Variants in PLAUR observed in about 807,000 individuals in gnomAD.
PLAUR encodes the protein plasminogen activator, urokinase receptor.
In PLAUR, 22 loss-of-function variants were observed where a neutral mutation model predicts 33.4. The ratio of observed to expected loss-of-function variants is 0.66; its 90% CI spans 0.47 to 0.94. The LOEUF is 0.94. Ranked by LOEUF, PLAUR falls within the 40% of genes least tolerant of loss-of-function variation. The pLI, the probability that PLAUR is intolerant of heterozygous loss-of-function variation, is 0.00. For synonymous variants in PLAUR, 148 were observed against 167.3 expected, an observed-to-expected ratio of 0.88 and a Z score of 0.89; for missense variants, 408 against 434.7, an observed-to-expected ratio of 0.94 and a Z score of 0.55.
chr19:43,651,649 T>C (rs1025525555), intron 6 of PLAUR: 4 of 213,288 alleles, frequency 1.9e-5, no homozygotes, highest in African/African-American at 9.4e-5. Flanking sequence ...GTGGCCAGGC[T>C]TGCTCTCATA....
At chr19:43,653,207 T>TA (rs1282109461) in intron 5 of PLAUR, among the ~76,000 whole-genome samples, 1 of 152,188 alleles carries the variant, frequency 6.6e-6, no homozygotes, top group Non-Finnish European at 1.5e-5. Flanking sequence ...AATCGAATCT[T>TA]AAAATTCAGT....
chr19:43,648,040 G>C (rs1248629583), downstream of PLAUR, among the ~76,000 whole-genome samples: 1 of 151,604 alleles, frequency 6.6e-6, no homozygotes, highest in Non-Finnish European at 1.5e-5. Flanking sequence ...GTTTATTGTG[G>C]GGTTGGAAAG....
chr19:43,646,541 T>A (rs1973827660), downstream of PLAUR: 1 of 717,462 alleles, frequency 1.4e-6, no homozygotes, highest in African/African-American at 1.7e-5. Context: ...TTCCCCAGAG[T>A]GAGCGTTCTA....
rs867018678 is a variant in PLAUR at position 43,670,098 on chromosome 19, G to A, written c.23C>T (p.Pro8Leu). Residue 8 changes from proline to leucine, a missense_variant, in exon 1 of 7, where the codon CCG (proline) becomes CTG (leucine). Pro to Leu is a moderately conservative substitution (Grantham distance 98, BLOSUM62 -3). Coordinates refer to ENST00000340093, the MANE Select transcript of PLAUR (RefSeq NM_002659.4). ...GCAGGTGTGGAGCAGCAGCAGCAGC[G>A]GCAGCAGCGGCGGGTGACCCATGTC... MGHPPLLPLLLLLHTCVP... is the reference protein window; with the variant it reads MGHPPLLLLLLLLHTCVP... 14 of 1,612,680 alleles carry A rather than the reference G, an allele frequency of 8.7e-6. No individual in the cohort carries two copies. Among genetic ancestry groups the A allele is most frequent in the Admixed American group, 1.7e-5 (1 of 59,976 alleles).
At chr19:43,662,250 C>T (rs998559601) in intron 3 of PLAUR, among the ~76,000 whole-genome samples, 1 of 152,058 alleles carries the variant, frequency 6.6e-6, no homozygotes, top group Admixed American at 6.6e-5. Context: ...GTAATCCCAG[C>T]ACTTTGGGAG....
chr19:43,655,421 G>T lies in PLAUR; in HGVS notation c.607+18C>A. 6.2e-7 allele frequency: 1 copy of T among 1,613,376 alleles called. No individual in the cohort carries two copies. The highest frequency in any genetic ancestry group is 8.5e-7 in the Non-Finnish European group (1 of 1,179,520). ...CCCTGCCCGACCCCAGGCCTTGCCT[G>T]TGTCTCCCGTTCCTTACTTGGGCCC... is the stretch of plus-strand genomic sequence containing the variant. On this transcript the variant is annotated intron_variant, in intron 5 of 6. Transcript: ENST00000340093.
chr19:43,664,348 A>G (rs1967135297), intron 3 of PLAUR, among the ~76,000 whole-genome samples: 1 of 152,346 alleles, frequency 6.6e-6, no homozygotes. Context: ...CACCAGGTCC[A>G]GAAAGAGGAA....
In PLAUR at chr19:43,648,662, T is replaced by C; in HGVS notation, c.*228A>G. 2.6e-6 allele frequency: 2 copies of C among 761,976 alleles called. No homozygotes were observed. Among genetic ancestry groups the C allele is most frequent in the Non-Finnish European group, 3.8e-6 (2 of 530,288 alleles). The allele number at this position is 761,976 out of a possible 1,614,324, so 47.2% of individuals were successfully genotyped here. A position where few individuals can be genotyped will look rare whatever the true frequency, so the allele number is the denominator to read the frequency against. Reference sequence around the variant, plus strand: ...AACAACAACACAACAGCGGCAACAATATTAATAATAACAAGAGCTCTCCCA... The same window carrying C: ...AACAACAACACAACAGCGGCAACAACATTAATAATAACAAGAGCTCTCCCA... On this transcript the variant is annotated 3_prime_UTR_variant, in exon 7 of 7. Coordinates refer to ENST00000340093, the MANE Select transcript of PLAUR (RefSeq NM_002659.4).
chr19:43,669,553 T>G (rs1967427796), intron 1 of PLAUR, among the ~76,000 whole-genome samples: 1 of 152,178 alleles, frequency 6.6e-6, no homozygotes, highest in Non-Finnish European at 1.5e-5. Flanking sequence ...GGCTCACGCC[T>G]GTAATCCCAG....
At chr19:43,663,988 A>G (rs1255844351) in intron 3 of PLAUR, among the ~76,000 whole-genome samples, 3 of 152,048 alleles carry the variant, frequency 2.0e-5, no homozygotes, top group African/African-American at 7.2e-5. Context: ...CCATCATGGA[A>G]AGGGGCAACA....
downstream of PLAUR, among the ~76,000 whole-genome samples, chr19:43,646,898 A>T (rs1973834692): frequency 6.9e-6 from 1 of 144,770 alleles, no homozygotes; most frequent in South Asian, 2.1e-4. Flanking sequence ...CTCCTGCCTC[A>T]GCCTTCCGAG....
chr19:43,655,287 AAAAAAAAAAAAAGGCCTG>A (rs1243844628), intron 5 of PLAUR, 134 bp downstream of exon 5: 1 of 706,592 alleles, frequency 1.4e-6, no homozygotes. Flanking sequence ...AAAAAAAAAA[AAAAAAAAAAAAAGGCCTG>A]ATACTCCCAT....
At chr19:43,647,618 A>C (rs4251936), downstream of PLAUR, among the ~76,000 whole-genome samples, 18,160 of 151,962 alleles carry the variant, frequency 0.12, 2,072 homozygotes, top group African/African-American at 0.3. Flanking sequence ...ACCAGCCTGA[A>C]CAACATGGAG....
At chr19:43,663,351 A>G (rs572525019) in intron 3 of PLAUR, among the ~76,000 whole-genome samples, 6 of 130,898 alleles carry the variant, frequency 4.6e-5, no homozygotes, top group Non-Finnish European at 9.7e-5. Context: ...ACACACACAC[A>G]CAGGACTGTG....
At chr19:43,666,733 A>G (rs1156385476) in intron 2 of PLAUR, among the ~76,000 whole-genome samples, 1 of 151,004 alleles carries the variant, frequency 6.6e-6, no homozygotes, top group Non-Finnish European at 1.5e-5. Context: ...AAGCCCGGCT[A>G]ATTTTTGTAT....
At chr19:43,667,521 T>A (rs748975479) in intron 2 of PLAUR, 60 bp downstream of exon 2, 1 of 1,191,706 alleles carries the variant, frequency 8.4e-7, no homozygotes, top group Non-Finnish European at 1.3e-6. Context: ...GAGGAAGGTT[T>A]CTCAATCACT....
chr19:43,647,939 T>C (rs4251932), downstream of PLAUR, among the ~76,000 whole-genome samples: 7 of 59,308 alleles, frequency 1.2e-4, no homozygotes, highest in African/African-American at 1.9e-4. Context: ...TAGAGAGCCC[T>C]TTTTTTTTTT....
At chr19:43,646,546 G>A (rs377422818), downstream of PLAUR, 9 of 717,290 alleles carry the variant, frequency 1.3e-5, no homozygotes, top group African/African-American at 7.0e-5. Flanking sequence ...CAGAGTGAGC[G>A]TTCTAAGATT....
chr19:43,650,230 C>G (rs556354781), intron 6 of PLAUR, among the ~76,000 whole-genome samples: 2 of 151,344 alleles, frequency 1.3e-5, no homozygotes, highest in Admixed American at 1.3e-4. Flanking sequence ...AGGCTGGTCT[C>G]GAACTCCTGA....
Sources: gnomAD v4.1 joint callset for allele counts (sites outside exome capture counted in the v4.1 genomes callset) on GRCh38, gnomAD v4.1.1 for gene constraint, MANE v1.5 for transcripts, NCBI Gene and HGNC (gene_info 2026-07-23, HGNC 2026-07-21) for gene names.